The following CDC14A variants were observed in gnomAD, a reference collection of about 807,000 sequenced individuals.
CDC14A encodes the protein dual specificity protein phosphatase CDC14A.
Under a neutral mutation model 74.4 loss-of-function variants are expected in CDC14A, and 53 were observed. The ratio of observed to expected loss-of-function variants is 0.71; its 90% CI spans 0.57 to 0.89. The LOEUF (loss-of-function observed/expected upper bound fraction) is 0.89. CDC14A is among the 40% of genes least tolerant of loss of function. The pLI, the probability that CDC14A is intolerant of heterozygous loss-of-function variation, is 0.00. For synonymous variants in CDC14A, 247 were observed against 258.4 expected, an observed-to-expected ratio of 0.96 and a Z score of 0.43; for missense variants, 646 against 713.7, an observed-to-expected ratio of 0.91 and a Z score of 1.08.
intron 4 of CDC14A, among the ~76,000 whole-genome samples, chr1:100,420,051 C>CACACACACAT (rs1553180463): frequency 6.7e-5 from 1 of 14,850 alleles, no homozygotes; most frequent in Non-Finnish European, 1.4e-4. Context: ...CACACACACA[C>CACACACACAT]ACACACACAC....
At chr1:100,391,825 G>A (rs925263556) in intron 4 of CDC14A, among the ~76,000 whole-genome samples, 1 of 152,244 alleles carries the variant, frequency 6.6e-6, no homozygotes, top group African/African-American at 2.4e-5. Context: ...CAGACTGTCA[G>A]CCAGGCTGTG....
intron 3 of CDC14A, among the ~76,000 whole-genome samples, chr1:100,382,392 T>A (rs1404273842): frequency 3.9e-5 from 3 of 76,554 alleles, no homozygotes; most frequent in African/African-American, 3.8e-4. Context: ...AGCTAACTAT[T>A]TTTTTTTTTT....
chr1:100,401,882 C>T (rs139156904), intron 4 of CDC14A, among the ~76,000 whole-genome samples: 10,591 of 151,902 alleles, frequency 0.07, 800 homozygotes, highest in African/African-American at 0.18. Flanking sequence ...GTACTAAAAA[C>T]ACAAAATTAG....
At chr1:100,469,067 C>T (rs915384903) in intron 10 of CDC14A, among the ~76,000 whole-genome samples, 4 of 152,006 alleles carry the variant, frequency 2.6e-5, no homozygotes, top group Admixed American at 2.6e-4. Context: ...GCTGATGGCT[C>T]TCTTTTGAAT....
chr1:100,386,859 T>A (rs1426316190), intron 3 of CDC14A, among the ~76,000 whole-genome samples: 1 of 152,202 alleles, frequency 6.6e-6, no homozygotes, highest in Non-Finnish European at 1.5e-5. Context: ...CCATGAAAGA[T>A]CTCAAAAGAG....
chr1:100,355,565 A>G (rs1651762305), intron 2 of CDC14A, among the ~76,000 whole-genome samples: 1 of 152,200 alleles, frequency 6.6e-6, no homozygotes, highest in Non-Finnish European at 1.5e-5. Context: ...TTATAAGGAA[A>G]GACTTGCTGG....
At chr1:100,351,390 A>AT (rs368000689), upstream of CDC14A, among the ~76,000 whole-genome samples, 1 of 152,122 alleles carries the variant, frequency 6.6e-6, no homozygotes, top group African/African-American at 2.4e-5. Context: ...TGCTCTTCGG[A>AT]TAGTCGGTCT....
At chr1:100,425,247 G>C (rs1461371691) in intron 5 of CDC14A, among the ~76,000 whole-genome samples, 1 of 152,134 alleles carries the variant, frequency 6.6e-6, no homozygotes, top group South Asian at 2.1e-4. Context: ...TGCTAGAATT[G>C]TGAATGATTC....
At chr1:100,470,010 G>T (rs1035366769) in intron 10 of CDC14A, among the ~76,000 whole-genome samples, 1 of 152,130 alleles carries the variant, frequency 6.6e-6, no homozygotes, top group Non-Finnish European at 1.5e-5. Context: ...ATGAGTAAAT[G>T]ATTTGAACAG....
rs540956646 is a variant in CDC14A, at chr1:100,352,832, C to T, written c.-123C>T. 2.0e-6 allele frequency: 3 copies of T among 1,511,182 alleles called. No individual in the cohort carries two copies. Among genetic ancestry groups the T allele is most frequent in the East Asian group, 2.5e-5 (1 of 40,634 alleles). 93.6% of individuals were successfully genotyped at this position (1,511,182 alleles called of 1,614,324 possible). On this transcript the variant is annotated 5_prime_UTR_variant, in exon 1 of 16. Coordinates refer to ENST00000336454, the MANE Select transcript of CDC14A (RefSeq NM_003672.4). ...TCCGCCTTCGGCGCCTGCTGCCTCC[C>T]TCGGCCAGGCTTGTTGTTCGGGACT...
chr1:100,404,856 A>C (rs1489924483), intron 4 of CDC14A, among the ~76,000 whole-genome samples: 1 of 151,722 alleles, frequency 6.6e-6, no homozygotes, highest in Non-Finnish European at 1.5e-5. Context: ...ACAAAACAAA[A>C]CAAAACAAAA....
chr1:100,389,627 G>GT (rs911656855), intron 3 of CDC14A, among the ~76,000 whole-genome samples: 16 of 151,236 alleles, frequency 1.1e-4, no homozygotes, highest in African/African-American at 2.4e-4. Flanking sequence ...AGATGGAAGA[G>GT]TTTTTTTTTA....
In CDC14A at chr1:100,482,773, T is replaced by C. The variant is rs564094647; in HGVS notation, c.978-1519T>C. 5.3e-4 allele frequency among the ~76,000 whole-genome samples: 80 copies of C among 152,022 alleles called. 1 individual carries two copies. The highest frequency in any genetic ancestry group is 1.3e-4 in the Non-Finnish European group (9 of 68,002). ...TTTTATTCTTTTCAACCTATCTCTC[T>C]CTCTCTGTGTATATATGTATATACA... On this transcript the variant is annotated intron_variant, in intron 10 of 15. Coordinates refer to ENST00000336454, the MANE Select transcript of CDC14A (RefSeq NM_003672.4).
intron 15 of CDC14A, among the ~76,000 whole-genome samples, chr1:100,515,963 T>C (rs1339103302): frequency 1.3e-5 from 2 of 152,218 alleles, no homozygotes; most frequent in Non-Finnish European, 2.9e-5. Context: ...GTTGGCCAAA[T>C]GGTGTCATCA....
At chr1:100,420,128 TTTTTTTTTTTTTTTTTTG>T (rs1662190072) in intron 4 of CDC14A, among the ~76,000 whole-genome samples, 1 of 129,678 alleles carries the variant, frequency 7.7e-6, no homozygotes, top group South Asian at 2.7e-4. Context: ...AGGTTTTTTT[TTTTTTTTTTTTTTTTTTG>T]GAGGAAAAAT....
At chr1:100,458,212 A>G (rs1380714253) in intron 8 of CDC14A, among the ~76,000 whole-genome samples, 1 of 152,214 alleles carries the variant, frequency 6.6e-6, no homozygotes, top group African/African-American at 2.4e-5. Flanking sequence ...TTCATAGGCC[A>G]GTAATTGTTG....
intron 4 of CDC14A, among the ~76,000 whole-genome samples, chr1:100,416,356 T>C (rs1323466263): frequency 6.6e-6 from 1 of 152,208 alleles, no homozygotes; most frequent in Non-Finnish European, 1.5e-5. Flanking sequence ...TCATGTACTT[T>C]GTTGCAGAAA....
At chr1:100,496,844 G>C (rs1427366252) in intron 13 of CDC14A, among the ~76,000 whole-genome samples, 2 of 152,232 alleles carry the variant, frequency 1.3e-5, no homozygotes, top group African/African-American at 4.8e-5. Context: ...CTCTAGCAGA[G>C]AGGAAAACAG....
rs147967631 is a variant in CDC14A at position 100,501,098 on chromosome 1, C to T, written c.1755+1836C>T. Among the ~76,000 whole-genome samples, 786 of 152,200 alleles carry T rather than the reference C, an allele frequency of 5.2e-3. 6 individuals are homozygous for T. Among genetic ancestry groups the T allele is most frequent in the African/African-American group, 0.018 (734 of 41,508 alleles). On this transcript the variant is annotated intron_variant, in intron 15 of 15. Coordinates refer to ENST00000336454, the MANE Select transcript of CDC14A (RefSeq NM_003672.4). ...CTACCCCTTAATCTGATTCTGATCC[C>T]ATGATCCCACTATAAAAATTGGGTG... is the stretch of plus-strand genomic sequence containing the variant.
Sources: allele counts gnomAD v4.1 joint callset (sites outside exome capture counted in the v4.1 genomes callset), GRCh38; gene constraint gnomAD v4.1.1; transcripts MANE v1.5; gene names NCBI Gene and HGNC (gene_info 2026-07-23, HGNC 2026-07-21).